The following SRGAP2B variants were observed in gnomAD, a reference collection of about 807,000 sequenced individuals.
The protein encoded by SRGAP2B is SLIT-ROBO Rho GTPase activating protein 2B.
Under a neutral mutation model 22.2 loss-of-function variants are expected in SRGAP2B, and 9 were observed. The ratio of observed to expected loss-of-function variants is 0.41; its 90% CI spans 0.24 to 0.71. The LOEUF is 0.71. Among genes scored for constraint, SRGAP2B ranks in the 30% least tolerant of loss-of-function variants. The probability of loss-of-function intolerance (pLI) is 0.35; values close to 1 mark genes in which losing one functional copy is unlikely to be tolerated. For missense variants in SRGAP2B, 114 were observed against 235.8 expected (o/e 0.48, Z 3.38); for synonymous variants, 36 against 87.4 (o/e 0.41, Z 3.28).
chr1:144,976,051 T>C (rs1668881539), intron 3 of SRGAP2B, among the ~76,000 whole-genome samples: 1 of 149,066 alleles, frequency 6.7e-6, no homozygotes, highest in Non-Finnish European at 1.5e-5. Context: ...TTTTTTTTTT[T>C]TGTATTTTTT....
chr1:145,019,952 T>C (rs1452590531), intron 2 of SRGAP2B, among the ~76,000 whole-genome samples: 3 of 151,148 alleles, frequency 2.0e-5, no homozygotes, highest in African/African-American at 7.4e-5. Flanking sequence ...CCAAGCACAC[T>C]TGAGCCTTAG....
At chr1:144,939,321 G>A (rs1665856425) in intron 4 of SRGAP2B, among the ~76,000 whole-genome samples, 1 of 149,870 alleles carries the variant, frequency 6.7e-6, no homozygotes, top group East Asian at 1.9e-4. Context: ...GAAACAGATG[G>A]CTAATTGAGA....
intron 2 of SRGAP2B, among the ~76,000 whole-genome samples, chr1:145,041,416 A>G (rs1323102899): frequency 7.3e-6 from 1 of 136,686 alleles, no homozygotes; most frequent in Non-Finnish European, 1.5e-5. Context: ...GAACCCAGGT[A>G]GGTGAGGCTG....
intron 2 of SRGAP2B, among the ~76,000 whole-genome samples, chr1:145,064,325 G>C (rs1459685637): frequency 6.7e-6 from 1 of 148,492 alleles, no homozygotes; most frequent in Non-Finnish European, 1.5e-5. Context: ...CCCCTGCAGG[G>C]GAAAGAAGAT....
At chr1:145,076,133 G>A (rs1652482393) in intron 2 of SRGAP2B, among the ~76,000 whole-genome samples, 2 of 150,052 alleles carry the variant, frequency 1.3e-5, no homozygotes, top group African/African-American at 5.0e-5. Flanking sequence ...TCCCTAGTAA[G>A]ATGCAAAACC....
chr1:144,965,320 G>A (rs1295547268), intron 3 of SRGAP2B, among the ~76,000 whole-genome samples: 1 of 143,630 alleles, frequency 7.0e-6, no homozygotes, highest in African/African-American at 2.7e-5. Flanking sequence ...CTCCTCAAGT[G>A]GGTCCCTGAC....
At chr1:144,898,622 A>C (rs1248324226) in intron 7 of SRGAP2B, among the ~76,000 whole-genome samples, 6 of 149,782 alleles carry the variant, frequency 4.0e-5, no homozygotes. Flanking sequence ...ATTTCATTGC[A>C]CAAGCAAGCA....
At chr1:144,963,145 C>T (rs1667802266) in intron 3 of SRGAP2B, among the ~76,000 whole-genome samples, 1 of 150,904 alleles carries the variant, frequency 6.6e-6, no homozygotes, top group South Asian at 2.1e-4. Context: ...TGTGTTAGCA[C>T]TAGCATTCCC....
chr1:144,976,066 G>C (rs1668882534), intron 3 of SRGAP2B, among the ~76,000 whole-genome samples: 1 of 147,940 alleles, frequency 6.8e-6, no homozygotes, highest in Non-Finnish European at 1.5e-5. Context: ...TTTTTTAGAA[G>C]AGACAGGGTT....
chr1:144,971,130 C>T (rs1161384860), intron 3 of SRGAP2B, among the ~76,000 whole-genome samples: 4 of 148,958 alleles, frequency 2.7e-5, no homozygotes, highest in Non-Finnish European at 5.9e-5. Flanking sequence ...AGGAACACTT[C>T]CTTTTTTTTT....
chr1:145,013,801 A>G (rs1243182571), intron 2 of SRGAP2B, among the ~76,000 whole-genome samples: 3 of 150,694 alleles, frequency 2.0e-5, no homozygotes, highest in Non-Finnish European at 4.4e-5. Context: ...TTATCCCTTT[A>G]TAATTGGGCA....
intron 3 of SRGAP2B, among the ~76,000 whole-genome samples, chr1:144,974,922 AAG>A (rs1176219575): frequency 6.7e-6 from 1 of 149,844 alleles, no homozygotes; most frequent in Non-Finnish European, 1.5e-5. Flanking sequence ...CTAAATGCAA[AAG>A]AGGTGATCAG....
intron 2 of SRGAP2B, among the ~76,000 whole-genome samples, chr1:145,020,384 G>A (rs1442175622): frequency 2.4e-5 from 3 of 125,390 alleles, no homozygotes; most frequent in African/African-American, 1.0e-4. Context: ...CTATCATGGT[G>A]CCACTGCACT....
In SRGAP2B at chr1:144,991,077, G is replaced by A. The variant is rs782300555; in HGVS notation, c.260+3931C>T. 4.0e-5 allele frequency among the ~76,000 whole-genome samples: 6 copies of A among 150,902 alleles called. 1 individual carries two copies. Among genetic ancestry groups the A allele is most frequent in the African/African-American group, 7.4e-5 (3 of 40,376 alleles). ...GGCAGGCAGCTCCACCTGCAGCCCC[G>A]GTGCGGGATCCACTAGATGAAGCCA... is the stretch of plus-strand genomic sequence containing the variant. On this transcript the variant is annotated intron_variant, in intron 3 of 9. Transcript: ENST00000612199.
At chr1:145,005,903 T>C (rs1440001168) in intron 2 of SRGAP2B, among the ~76,000 whole-genome samples, 6 of 149,440 alleles carry the variant, frequency 4.0e-5, no homozygotes, top group African/African-American at 1.3e-4. Flanking sequence ...AAAGAGCTCA[T>C]TAACCTTGGC....
intron 2 of SRGAP2B, among the ~76,000 whole-genome samples, chr1:145,027,033 T>TG (rs1647836405): frequency 9.0e-6 from 1 of 110,630 alleles, no homozygotes; most frequent in Non-Finnish European, 1.9e-5. Context: ...TTTTTTTTTT[T>TG]TTGAGATGGA....
intron 5 of SRGAP2B, among the ~76,000 whole-genome samples, chr1:144,912,604 C>T (rs1212196391): frequency 1.3e-5 from 2 of 148,278 alleles, no homozygotes; most frequent in East Asian, 3.9e-4. Context: ...TTAGCAGCAC[C>T]CCTGGCCTCT....
At chr1:144,941,473 ATGATT>A (rs1232433848) in intron 4 of SRGAP2B, among the ~76,000 whole-genome samples, 1 of 147,978 alleles carries the variant, frequency 6.8e-6, no homozygotes, top group Non-Finnish European at 1.5e-5. Flanking sequence ...GTAGACCCAA[ATGATT>A]TGTAGAGAAC....
At chr1:144,943,568 A>AGGAAGAGAGAAAGGAGAG (rs1666234018) in intron 4 of SRGAP2B, among the ~76,000 whole-genome samples, 1 of 141,810 alleles carries the variant, frequency 7.1e-6, no homozygotes, top group Non-Finnish European at 1.5e-5. Flanking sequence ...AAAGAGGAAA[A>AGGAAGAGAGAAAGGAGAG]GGAAGAGAGA....
Sources: gnomAD v4.1 joint callset for allele counts (sites outside exome capture counted in the v4.1 genomes callset) on GRCh38, gnomAD v4.1.1 for gene constraint, MANE v1.5 for transcripts, NCBI Gene and HGNC (gene_info 2026-07-23, HGNC 2026-07-21) for gene names.